NFE2: variants seen among roughly 807,000 people sequenced by gnomAD.
NFE2 encodes the protein nuclear factor, erythroid 2.
Under a neutral mutation model 25.8 loss-of-function variants are expected in NFE2, and 13 were observed. The observed-to-expected ratio is 0.50, with a 90% CI of 0.33 to 0.80. The LOEUF is 0.80. NFE2 is among the 30% of genes least tolerant of loss of function. NFE2 has a pLI of 0.02. For missense variants in NFE2, 382 were observed against 478.9 expected (o/e 0.80, Z 1.89); for synonymous variants, 204 against 200.2 (o/e 1.02, Z -0.16).
At position 54,292,727 on chromosome 12, in the gene NFE2, A is replaced by G. The variant is rs891405959; in HGVS notation, c.769T>C (p.Tyr257His). ...VDDFNELLAR[Y>H]PLTESQLALV... ...GCTAGCTGGCTCTCTGTCAGCGGGTACCTTGCCAATAGCTCATTAAAGTCA... is the reference window on the plus strand; with the variant it reads ...GCTAGCTGGCTCTCTGTCAGCGGGTGCCTTGCCAATAGCTCATTAAAGTCA... Residue 257 changes from tyrosine (Y) to histidine (H), a missense_variant, in exon 3 of 3, where the codon TAC becomes CAC. Physicochemically the swap from Tyr to His is moderately conservative, Grantham distance 83. Transcript: ENST00000435572. 6.2e-7 allele frequency: 1 copy of G among 1,614,208 alleles called. No homozygotes were observed. Among genetic ancestry groups the G allele is most frequent in the Non-Finnish European group, 8.5e-7 (1 of 1,180,046 alleles).
intron 1 of NFE2, among the ~76,000 whole-genome samples, chr12:54,296,374 C>A (rs945744350): frequency 6.9e-6 from 1 of 145,354 alleles, no homozygotes; most frequent in Non-Finnish European, 1.5e-5. Context: ...CGCGCCACTG[C>A]ACTCCAGCCT....
intron 1 of NFE2, among the ~76,000 whole-genome samples, chr12:54,297,363 A>AAAAAAAAAAAAAAAAAAAAAC (rs1944381963): frequency 6.7e-6 from 1 of 148,578 alleles, no homozygotes; most frequent in East Asian, 2.0e-4. Flanking sequence ...TCTCAAAAAA[A>AAAAAAAAAAAAAAAAAAAAAC]AAAAAAAAAA....
chr12:54,293,620 C>G (rs1191266410), intron 2 of NFE2, among the ~76,000 whole-genome samples: 1 of 152,154 alleles, frequency 6.6e-6, no homozygotes, highest in African/African-American at 2.4e-5. Context: ...GAGGCCAAGG[C>G]GGCAGATCAC....
chr12:54,293,523 C>T, intron 2 of NFE2, 142 bp from the exon 3 acceptor site: 3 of 960,254 alleles, frequency 3.1e-6, no homozygotes, highest in Non-Finnish European at 4.3e-6. Flanking sequence ...CGGGAAGCTT[C>T]CTGCAAAGTT....
rs1944330058 is a variant in NFE2, at chr12:54,292,787, A to G, written c.709T>C (p.Phe237Leu). ...ERRALAMKIP[F>L]PTDKIVNLPV... ...AAGTTGACAATCTTGTCCGTAGGAA[A>G]AGGAATCTTCATGGCCAAGGCCCGA... Residue 237 changes from phenylalanine to leucine, a missense_variant, in exon 3 of 3, where the codon TTT becomes CTT. Phe to Leu is a conservative substitution (Grantham distance 22). Coordinates refer to ENST00000435572, the MANE Select transcript of NFE2 (RefSeq NM_001136023.3). The G allele has an allele frequency of 6.2e-7, 1 of 1,614,058 alleles. No homozygotes were observed. The highest frequency in any genetic ancestry group is 1.7e-5 in the Admixed American group (1 of 60,004).
intron 1 of NFE2, among the ~76,000 whole-genome samples, chr12:54,297,356 C>CAAAA (rs35611028): frequency 6.0e-5 from 3 of 50,008 alleles, no homozygotes; most frequent in Non-Finnish European, 1.0e-4. Context: ...GACCCTGTCT[C>CAAAA]AAAAAAAAAA....
At chr12:54,297,066 G>A (rs919704388) in intron 1 of NFE2, among the ~76,000 whole-genome samples, 1 of 152,038 alleles carries the variant, frequency 6.6e-6, no homozygotes, top group Non-Finnish European at 1.5e-5. Flanking sequence ...TATCAGTATA[G>A]GGAAGCAGGC....
chr12:54,296,085 C>T (rs1944369223), intron 1 of NFE2, among the ~76,000 whole-genome samples: 1 of 152,224 alleles, frequency 6.6e-6, no homozygotes, highest in African/African-American at 2.4e-5. Context: ...TTGTTAAGAA[C>T]TGTGCTGGTA....
rs1944321827 is a variant in NFE2 at position 54,292,125 on chromosome 12, T to C, written c.*249A>G. The C allele has an allele frequency of 1.9e-6, 1 of 519,150 alleles. No individual in the cohort carries two copies. 32.2% of individuals were successfully genotyped at this position (519,150 alleles called of 1,614,324 possible). A position where few individuals can be genotyped will look rare whatever the true frequency, so the allele number is the denominator to read the frequency against. On this transcript the variant is annotated 3_prime_UTR_variant, in exon 3 of 3. Transcript: ENST00000435572. Reference sequence around the variant, plus strand: ...GTGAAAAGCCATTTCTGTAGCGCACTTTATAGACCAAAGCTTAGACAAGGT... The same window carrying C: ...GTGAAAAGCCATTTCTGTAGCGCACCTTATAGACCAAAGCTTAGACAAGGT...
Position 54,293,218 on chromosome 12 carries a change from G to A in NFE2, c.278C>T (p.Pro93Leu). 6.2e-7 allele frequency: 1 copy of A among 1,605,828 alleles called. No individual in the cohort carries two copies. The highest frequency in any genetic ancestry group is 1.3e-5 in the African/African-American group (1 of 74,832). ...YELPASTSHV[P>L]DPPYSYGNMA... ...GTTGCCATAGGAGTATGGGGGATCT[G>A]GGACATGGGATGTGGATGCTGGGAG... Residue 93 changes from proline to leucine, a missense_variant, in exon 3 of 3, where the codon CCA (proline) becomes CTA (leucine). Coordinates refer to ENST00000435572, the MANE Select transcript of NFE2 (RefSeq NM_001136023.3).
At chr12:54,300,582 C>A (rs1944414556) in intron 1 of NFE2, among the ~76,000 whole-genome samples, 1 of 152,158 alleles carries the variant, frequency 6.6e-6, no homozygotes, top group South Asian at 2.1e-4. Context: ...CAGCCTCCAC[C>A]CCAAGGATCC....
chr12:54,298,204 T>C (rs982854186), intron 1 of NFE2, among the ~76,000 whole-genome samples: 5 of 152,096 alleles, frequency 3.3e-5, no homozygotes, highest in African/African-American at 7.2e-5. Context: ...CTAGGTTCTC[T>C]GGCACTTAAG....
At chr12:54,299,920 G>C (rs1434524990) in intron 1 of NFE2, among the ~76,000 whole-genome samples, 1 of 152,224 alleles carries the variant, frequency 6.6e-6, no homozygotes, top group South Asian at 2.1e-4. Flanking sequence ...CTCCCGAAGA[G>C]AGAGAGACAC....
Position 54,292,806 on chromosome 12 carries a change from G to A in NFE2, c.690C>T (p.Ala230=). ...TAGGAAAAGGAATCTTCATGGCCAA[G>A]GCCCGACGTTCATCCCGACTCCCTG... is the stretch of plus-strand genomic sequence containing the variant. ...GEAGSRDERR[A]LAMKIPFPTD... Residue 230 remains alanine (A), a synonymous_variant, in exon 3 of 3, where the codon GCC becomes GCT. Transcript: ENST00000435572. 2 of 1,614,222 alleles carry A rather than the reference G, an allele frequency of 1.2e-6. No individual in the cohort carries two copies. Among genetic ancestry groups the A allele is most frequent in the Non-Finnish European group, 1.7e-6 (2 of 1,180,040 alleles).
Position 54,292,445 on chromosome 12 carries a change from C to G in NFE2, c.1051G>C (p.Ala351Pro), listed in dbSNP as rs780865668. Residue 351 changes from alanine (A) to proline (P), a missense_variant, in exon 3 of 3, where the codon GCG becomes CCG. By Grantham distance (27) the Ala-to-Pro change is conservative. Transcript: ENST00000435572. ...SGNSYSPEEY[A>P]LQQAADGTIF... ...GTCCCATCGGCAGCCTGTTGCAGCGCGTACTCTTCAGGAGAGTAGCTGTTG... is the reference window on the plus strand; with the variant it reads ...GTCCCATCGGCAGCCTGTTGCAGCGGGTACTCTTCAGGAGAGTAGCTGTTG... The G allele has an allele frequency of 6.2e-7, 1 of 1,614,218 alleles. No homozygotes were observed. Among genetic ancestry groups the G allele is most frequent in the African/African-American group, 1.3e-5 (1 of 75,064 alleles).
intron 1 of NFE2, chr12:54,297,683 A>AG: frequency 6.6e-6 from 1 of 152,316 alleles, no homozygotes; most frequent in East Asian, 1.9e-4. Context: ...AAAAAAAAAA[A>AG]AAAAAAAAAG....
Position 54,292,362 on chromosome 12 carries a change from CT to C in NFE2, c.*11del, listed in dbSNP as rs34618967. 2.8e-4 allele frequency: 454 copies of C among 1,611,068 alleles called. 5 individuals carry two copies. In the African/African-American group the frequency reaches 5.7e-3, roughly 20 times the overall value. ...GGAAATCCCATCAGCAGTTCCACCCCTCTGGGCCAGCTCAGTCTGTGGCCTC... is the reference window on the plus strand; with the variant it reads ...GGAAATCCCATCAGCAGTTCCACCCCCTGGGCCAGCTCAGTCTGTGGCCTC... On this transcript the variant is annotated 3_prime_UTR_variant, in exon 3 of 3. Transcript: ENST00000435572.
At chr12:54,293,931 A>G (rs1944344389) in intron 2 of NFE2, among the ~76,000 whole-genome samples, 1 of 152,068 alleles carries the variant, frequency 6.6e-6, no homozygotes, top group Non-Finnish European at 1.5e-5. Context: ...TAACATTGGA[A>G]CAATTATGAA....
chr12:54,295,292 T>A lies in NFE2; in HGVS notation c.-44A>T, dbSNP rs368317417. The A allele has an allele frequency of 6.5e-7, 1 of 1,531,178 alleles. No individual in the cohort carries two copies. The highest frequency in any genetic ancestry group is 1.4e-5 in the African/African-American group (1 of 73,226). 94.8% of individuals were successfully genotyped at this position (1,531,178 alleles called of 1,614,324 possible). ...GGTCCAGGTTCCCGGAAAGCCCAGA[T>A]GGCTCTAGAAACCTGTGTCAAAGGA... On this transcript the variant is annotated 5_prime_UTR_variant, in exon 2 of 3. Transcript: ENST00000435572.
Sources: allele counts gnomAD v4.1 joint callset (sites outside exome capture counted in the v4.1 genomes callset), GRCh38; gene constraint gnomAD v4.1.1; transcripts MANE v1.5; gene names NCBI Gene and HGNC (gene_info 2026-07-23, HGNC 2026-07-21).